The following LZTS1 variants were observed in gnomAD, a reference collection of about 807,000 sequenced individuals.
LZTS1 encodes the protein leucine zipper putative tumor suppressor 1.
A neutral mutation model predicts 45.8 loss-of-function variants in LZTS1; 31 were observed. The ratio of observed to expected loss-of-function variants is 0.68; its 90% confidence interval spans 0.51 to 0.91. The LOEUF is 0.91. Ranked by LOEUF, LZTS1 falls within the 40% of genes least tolerant of loss-of-function variation. The pLI is 0.00. For missense variants in LZTS1, 821 were observed against 788.9 expected (o/e 1.04, Z -0.49); for synonymous variants, 359 against 357.3 (o/e 1.00, Z -0.05).
At chr8:20,254,765 A>C in intron 2 of LZTS1, 72 bp downstream of exon 2, 1 of 1,270,330 alleles carries the variant, frequency 7.9e-7, no homozygotes, top group Non-Finnish European at 1.1e-6. Context: ...CTGAACCCCC[A>C]GGCTCTCCAC....
chr8:20,262,270 T>C (rs1216578265), intron 1 of LZTS1, among the ~76,000 whole-genome samples: 1 of 152,164 alleles, frequency 6.6e-6, no homozygotes, highest in Non-Finnish European at 1.5e-5. Context: ...ATTTAGTCAT[T>C]TCTTCAACAA....
rs1286616913 is a variant in LZTS1 at position 20,255,193 on chromosome 8, G to A, written c.-12C>T. 1.2e-6 allele frequency: 2 copies of A among 1,605,608 alleles called. No homozygotes were observed. The highest frequency in any genetic ancestry group is 1.1e-5 in the South Asian group (1 of 90,396). On this transcript the variant is annotated 5_prime_UTR_variant, in exon 2 of 4. Transcript: ENST00000381569. ...CTGACGCTGCCCATGGTGACTCGGG[G>A]CTGAGGATGGGGCAGGGCCGGGCAG...
At chr8:20,273,775 T>TATATA (rs200488450) in intron 1 of LZTS1, among the ~76,000 whole-genome samples, 1 of 84,260 alleles carries the variant, frequency 1.2e-5, no homozygotes, top group Non-Finnish European at 2.9e-5. Flanking sequence ...ACCTGTTATA[T>TATATA]TTGTTTTTTT....
At position 20,248,511 on chromosome 8, in the gene LZTS1, G is replaced by C. The variant is rs971372799; in HGVS notation, c.*1211C>G. 3.3e-5 allele frequency: 5 copies of C among 152,490 alleles called. No individual in the cohort carries two copies. Among genetic ancestry groups the C allele is most frequent in the African/African-American group, 1.2e-4 (5 of 41,440 alleles). 9.4% of individuals were successfully genotyped at this position (152,490 alleles called of 1,614,324 possible). On this transcript the variant is annotated 3_prime_UTR_variant, in exon 4 of 4. Transcript: ENST00000381569. ...GGACAAATGGGGGTCTTGAGGTGGA[G>C]GGAGGATGGCTGGTGGCCAGGCTAT...
At chr8:20,270,833 T>TGTGTGTGTGTGTGTG (rs1563878388) in intron 1 of LZTS1, among the ~76,000 whole-genome samples, 1 of 119,176 alleles carries the variant, frequency 8.4e-6, no homozygotes, top group African/African-American at 3.0e-5. Context: ...GTGTGTGTGT[T>TGTGTGTGTGTGTGTG]TGTGTGTGTG....
Position 20,254,875 on chromosome 8 carries a change from G to T in LZTS1, c.307C>A (p.Pro103Thr). Residue 103 changes from proline (P) to threonine (T), a missense_variant, in exon 2 of 4, where the codon CCC becomes ACC. Coordinates refer to ENST00000381569, the MANE Select transcript of LZTS1 (RefSeq NM_021020.5). ...QAGVDFDPST[P>T]PKLMPFSNQL... ...TTGGAGAAGGGCATGAGCTTGGGGG[G>T]TGTGGACGGGTCAAAGTCCACCCCA... 1 of 1,614,008 alleles carries T rather than the reference G, an allele frequency of 6.2e-7. No individual in the cohort carries two copies. The highest frequency in any genetic ancestry group is 8.5e-7 in the Non-Finnish European group (1 of 1,179,930).
At chr8:20,303,285 T>G (rs756192513) in intron 1 of LZTS1, among the ~76,000 whole-genome samples, 7 of 152,072 alleles carry the variant, frequency 4.6e-5, no homozygotes, top group Admixed American at 1.3e-4. Context: ...ACACAGCTCA[T>G]CTGCAAAGTT....
chr8:20,270,838 T>C (rs947052305), intron 1 of LZTS1, among the ~76,000 whole-genome samples: 3 of 151,476 alleles, frequency 2.0e-5, no homozygotes, highest in Non-Finnish European at 2.9e-5. Flanking sequence ...TGTGTTTGTG[T>C]GTGTGGAGAG....
intron 3 of LZTS1, 63 bp downstream of exon 3, chr8:20,252,719 G>A: frequency 1.4e-6 from 2 of 1,415,276 alleles, no homozygotes; most frequent in African/African-American, 2.9e-5. Context: ...GCACCAGAAG[G>A]AGAGGGGGGT....
At chr8:20,278,375 T>C (rs1335313924) in intron 1 of LZTS1, among the ~76,000 whole-genome samples, 1 of 152,204 alleles carries the variant, frequency 6.6e-6, no homozygotes, top group Non-Finnish European at 1.5e-5. Context: ...TCCCAAGTGC[T>C]GGCAGGCCAC....
chr8:20,250,715 C>T (rs1393662323), intron 3 of LZTS1, among the ~76,000 whole-genome samples: 3 of 152,072 alleles, frequency 2.0e-5, no homozygotes, highest in African/African-American at 7.2e-5. Context: ...TCTCCTGCCT[C>T]AGCCTCCCAA....
chr8:20,261,663 C>T (rs1437651578), intron 1 of LZTS1, among the ~76,000 whole-genome samples: 1 of 152,250 alleles, frequency 6.6e-6, no homozygotes, highest in Non-Finnish European at 1.5e-5. Flanking sequence ...TGCAAAGTGT[C>T]TTTCTGGATG....
At chr8:20,284,609 G>A (rs1399417708) in intron 1 of LZTS1, among the ~76,000 whole-genome samples, 5 of 152,006 alleles carry the variant, frequency 3.3e-5, no homozygotes, top group African/African-American at 1.2e-4. Flanking sequence ...CATTGTCCGT[G>A]GAGACCTGTA....
chr8:20,276,146 C>T (rs918551775), intron 1 of LZTS1, among the ~76,000 whole-genome samples: 13 of 151,950 alleles, frequency 8.6e-5, no homozygotes, highest in South Asian at 2.1e-4. Context: ...TTTTAAGATA[C>T]GCTGGTTTAA....
chr8:20,278,936 T>C (rs79966256), intron 1 of LZTS1, among the ~76,000 whole-genome samples: 5,310 of 152,304 alleles, frequency 0.035, 123 homozygotes, highest in Middle Eastern at 0.065. Flanking sequence ...CTTTATGCCC[T>C]GGGTCCCAAC....
At chr8:20,299,796 G>A (rs556482949) in intron 1 of LZTS1, among the ~76,000 whole-genome samples, 5 of 152,292 alleles carry the variant, frequency 3.3e-5, no homozygotes, top group African/African-American at 1.2e-4. Flanking sequence ...TCAACTGCAA[G>A]CCTAGGAGTG....
In LZTS1 at chr8:20,303,922, G is replaced by T. The variant is rs963114850; in HGVS notation, c.-317C>A. The T allele has an allele frequency of 3.0e-6, 3 of 983,800 alleles. No individual in the cohort carries two copies. The highest frequency in any genetic ancestry group is 1.7e-5 in the African/African-American group (1 of 57,194). The allele number at this position is 983,800 out of a possible 1,614,324, so 60.9% of individuals were successfully genotyped here. A position where few individuals can be genotyped will look rare whatever the true frequency, so the allele number is the denominator to read the frequency against. On this transcript the variant is annotated 5_prime_UTR_variant, in exon 1 of 4. Coordinates refer to ENST00000381569, the MANE Select transcript of LZTS1 (RefSeq NM_021020.5). ...AGAGAAACTTTCGGCCTCCCCGCCC[G>T]GCCGCTGCCAACCCGCCAGCTCCAG...
intron 1 of LZTS1, among the ~76,000 whole-genome samples, chr8:20,258,275 A>G (rs1800152233): frequency 6.6e-6 from 1 of 152,176 alleles, no homozygotes; most frequent in African/African-American, 2.4e-5. Flanking sequence ...AAATTATACC[A>G]TCCATCCTAA....
At chr8:20,262,532 A>C (rs1208627871) in intron 1 of LZTS1, among the ~76,000 whole-genome samples, 1 of 152,070 alleles carries the variant, frequency 6.6e-6, no homozygotes, top group Admixed American at 6.5e-5. Flanking sequence ...AGCTTCTGAG[A>C]AGATGACATT....
Sources: gnomAD v4.1 joint callset for allele counts (sites outside exome capture counted in the v4.1 genomes callset) on GRCh38, gnomAD v4.1.1 for gene constraint, MANE v1.5 for transcripts, NCBI Gene and HGNC (gene_info 2026-07-23, HGNC 2026-07-21) for gene names.